KIF13B: variants seen among roughly 807,000 people sequenced by gnomAD.
KIF13B encodes kinesin family member 13B, also known as kinesin-like protein KIF13B.
KIF13B carries 127 observed loss-of-function variants against 222.0 expected under a neutral mutation model. That is an observed-to-expected ratio of 0.57 (90% confidence interval 0.50 to 0.66). KIF13B has a LOEUF of 0.66. Among genes scored for constraint, KIF13B ranks in the 30% least tolerant of loss-of-function variants. KIF13B has a pLI of 0.00. For missense variants in KIF13B, 2,173 were observed against 2,379.0 expected (o/e 0.91, Z 1.80); for synonymous variants, 976 against 919.0 (o/e 1.06, Z -1.12).
intron 37 of KIF13B, among the ~76,000 whole-genome samples, chr8:29,085,523 C>T (rs76790966): frequency 0.032 from 4,914 of 151,692 alleles, 288 homozygotes; most frequent in African/African-American, 0.11. Context: ...TGTGTCACCA[C>T]ACCCACATAT....
intron 13 of KIF13B, among the ~76,000 whole-genome samples, chr8:29,158,071 T>C (rs971981079): frequency 6.6e-6 from 1 of 152,170 alleles, no homozygotes; most frequent in African/African-American, 2.4e-5. Context: ...AGCTGTTTCC[T>C]CCGTCTGAAA....
chr8:29,111,014 A>C (rs955567871), intron 32 of KIF13B, among the ~76,000 whole-genome samples: 1 of 152,234 alleles, frequency 6.6e-6, no homozygotes, highest in Non-Finnish European at 1.5e-5. Flanking sequence ...GACACATTCT[A>C]CTTCAAAGAT....
chr8:29,197,578 G>A (rs1225952687), intron 2 of KIF13B, among the ~76,000 whole-genome samples: 1 of 151,928 alleles, frequency 6.6e-6, no homozygotes, highest in Non-Finnish European at 1.5e-5. Context: ...CCATTTGAGG[G>A]TAAGTTGCAA....
intron 1 of KIF13B, among the ~76,000 whole-genome samples, chr8:29,260,742 T>C (rs904487915): frequency 1.3e-5 from 2 of 151,884 alleles, no homozygotes; most frequent in African/African-American, 4.8e-5. Flanking sequence ...TCAGCCTCCT[T>C]AGTAGCTGGG....
chr8:29,257,339 G>GA (rs1181112359), intron 1 of KIF13B, among the ~76,000 whole-genome samples: 1 of 147,376 alleles, frequency 6.8e-6, no homozygotes, highest in African/African-American at 2.5e-5. Context: ...TCGAGTTTTT[G>GA]TTTTTTTTTT....
At chr8:29,231,663 G>A (rs1347512671) in intron 2 of KIF13B, among the ~76,000 whole-genome samples, 3 of 151,972 alleles carry the variant, frequency 2.0e-5, no homozygotes, top group African/African-American at 7.3e-5. Flanking sequence ...GCAATGATAA[G>A]AACAGCAGTT....
intron 13 of KIF13B, among the ~76,000 whole-genome samples, chr8:29,160,470 T>A (rs537085112): frequency 6.6e-6 from 1 of 152,332 alleles, no homozygotes; most frequent in African/African-American, 2.4e-5. Context: ...AGTTATCTAC[T>A]TAATTCCCTG....
At chr8:29,242,750 C>T (rs143973857) in intron 2 of KIF13B, among the ~76,000 whole-genome samples, 1 of 152,330 alleles carries the variant, frequency 6.6e-6, no homozygotes, top group African/African-American at 2.4e-5. Flanking sequence ...TTGCCAAAAA[C>T]GTCCTTTCGT....
chr8:29,180,682 T>A (rs1487113272), intron 7 of KIF13B, among the ~76,000 whole-genome samples: 2 of 152,244 alleles, frequency 1.3e-5, no homozygotes, highest in Non-Finnish European at 2.9e-5. Context: ...CGACTACCAC[T>A]ATCTTAGCAG....
chr8:29,140,753 A>C (rs2129929540), intron 19 of KIF13B, 136 bp from the exon 20 acceptor site: 1 of 825,160 alleles, frequency 1.2e-6, no homozygotes, highest in Admixed American at 2.9e-5. Context: ...TTAGAGTAAA[A>C]CATTCTAAAG....
chr8:29,128,919 A>G (rs1294544860), intron 24 of KIF13B, among the ~76,000 whole-genome samples: 1 of 152,206 alleles, frequency 6.6e-6, no homozygotes, highest in Non-Finnish European at 1.5e-5. Flanking sequence ...TGAGCCTAGC[A>G]TTCAAGGCCC....
At chr8:29,172,660 G>A (rs904896829) in intron 10 of KIF13B, among the ~76,000 whole-genome samples, 1 of 152,104 alleles carries the variant, frequency 6.6e-6, no homozygotes, top group African/African-American at 2.4e-5. Flanking sequence ...CAGCTGCACA[G>A]TCAAGTCAGC....
At chr8:29,088,062 T>TC (rs1808126063) in intron 37 of KIF13B, among the ~76,000 whole-genome samples, 1 of 151,890 alleles carries the variant, frequency 6.6e-6, no homozygotes, top group South Asian at 2.1e-4. Context: ...CATCAAGAGA[T>TC]CGAGACCATC....
intron 31 of KIF13B, among the ~76,000 whole-genome samples, chr8:29,114,000 G>C (rs1031894921): frequency 1.8e-4 from 28 of 152,170 alleles, no homozygotes; most frequent in Admixed American, 1.6e-3. Context: ...TTAAATTCTT[G>C]ACCAAAGCAA....
At chr8:29,128,223 C>T (rs1223589090) in intron 24 of KIF13B, among the ~76,000 whole-genome samples, 1 of 151,522 alleles carries the variant, frequency 6.6e-6, no homozygotes, top group Non-Finnish European at 1.5e-5. Flanking sequence ...TATATATTTA[C>T]AATGAAGTAA....
At chr8:29,143,113 C>G (rs922410029) in intron 18 of KIF13B, among the ~76,000 whole-genome samples, 2 of 152,146 alleles carry the variant, frequency 1.3e-5, no homozygotes, top group Admixed American at 1.3e-4. Context: ...TTCAGCCTCC[C>G]AAAGCACAGG....
chr8:29,118,542 T>C (rs143106900), intron 30 of KIF13B, among the ~76,000 whole-genome samples: 154 of 152,028 alleles, frequency 1.0e-3, no homozygotes, highest in African/African-American at 3.6e-3. Context: ...CCAAACCTGG[T>C]GCCATTTTAC....
chr8:29,228,215 C>T (rs1301356235), intron 2 of KIF13B, among the ~76,000 whole-genome samples: 1 of 151,498 alleles, frequency 6.6e-6, no homozygotes, highest in Non-Finnish European at 1.5e-5. Context: ...CCTGTAATCT[C>T]AGCACTTTGG....
chr8:29,098,820 T>C (rs1475307835), intron 36 of KIF13B, among the ~76,000 whole-genome samples: 2 of 151,452 alleles, frequency 1.3e-5, no homozygotes, highest in Non-Finnish European at 2.9e-5. Flanking sequence ...AACAAAGACA[T>C]GAAGATGAGA....
Sources: allele counts gnomAD v4.1 joint callset (sites outside exome capture counted in the v4.1 genomes callset), GRCh38; gene constraint gnomAD v4.1.1; transcripts MANE v1.5; gene names NCBI Gene and HGNC (gene_info 2026-07-23, HGNC 2026-07-21).